The following SPATS2L variants were observed in gnomAD, a reference collection of about 807,000 sequenced individuals.
SPATS2L encodes spermatogenesis associated serine rich 2 like, also known as SPATS2-like protein.
A neutral mutation model predicts 59.6 loss-of-function variants in SPATS2L; 30 were observed. The observed-to-expected ratio is 0.50, with a 90% confidence interval of 0.38 to 0.68. The LOEUF (loss-of-function observed/expected upper bound fraction) is 0.68, where lower values mean the gene tolerates loss of function less well. Ranked by LOEUF, SPATS2L falls within the 30% of genes least tolerant of loss-of-function variation. The probability of loss-of-function intolerance (pLI) is 0.00; values close to 1 mark genes in which losing one functional copy is unlikely to be tolerated. For synonymous variants in SPATS2L, 252 were observed against 263.5 expected, an observed-to-expected ratio of 0.96 and a Z score of 0.42; for missense variants, 615 against 700.0, an observed-to-expected ratio of 0.88 and a Z score of 1.37.
At chr2:200,380,751 G>A (rs1329511201) in intron 2 of SPATS2L, among the ~76,000 whole-genome samples, 1 of 152,178 alleles carries the variant, frequency 6.6e-6, no homozygotes, top group African/African-American at 2.4e-5. Flanking sequence ...CAGTGAAGTT[G>A]TTCTAACAGT....
At chr2:200,455,337 C>A (rs2085759517) in intron 8 of SPATS2L, among the ~76,000 whole-genome samples, 2 of 152,144 alleles carry the variant, frequency 1.3e-5, no homozygotes, top group South Asian at 4.1e-4. Context: ...GGACTCAGAG[C>A]TGATTAGATG....
intron 4 of SPATS2L, among the ~76,000 whole-genome samples, chr2:200,416,163 A>G (rs139410028): frequency 2.6e-5 from 4 of 152,222 alleles, no homozygotes; most frequent in African/African-American, 9.6e-5. Flanking sequence ...GTGAGGCTTA[A>G]TATTTTGATA....
intron 2 of SPATS2L, among the ~76,000 whole-genome samples, chr2:200,344,078 T>TA (rs928101631): frequency 4.0e-4 from 61 of 151,046 alleles, no homozygotes; most frequent in Admixed American, 1.7e-3. Context: ...TAAAATTTAT[T>TA]AAAAAAAAAT....
upstream of SPATS2L, chr2:200,306,578 C>T (rs530750601): frequency 3.8e-5 from 38 of 1,000,632 alleles, no homozygotes; most frequent in African/African-American, 5.6e-4. Context: ...GAGCGAGGGG[C>T]GCCGGCTGGG....
At chr2:200,399,808 C>T (rs1267302380) in intron 3 of SPATS2L, among the ~76,000 whole-genome samples, 1 of 152,152 alleles carries the variant, frequency 6.6e-6, no homozygotes, top group Non-Finnish European at 1.5e-5. Flanking sequence ...AAGAAATATC[C>T]AAGGTTAATA....
At chr2:200,352,759 G>A (rs981005680) in intron 2 of SPATS2L, among the ~76,000 whole-genome samples, 1 of 152,144 alleles carries the variant, frequency 6.6e-6, no homozygotes, top group Non-Finnish European at 1.5e-5. Flanking sequence ...CTCATGGGCT[G>A]GTGAACAGCG....
chr2:200,346,883 A>G (rs1378084525), intron 2 of SPATS2L, among the ~76,000 whole-genome samples: 1 of 151,952 alleles, frequency 6.6e-6, no homozygotes, highest in East Asian at 1.9e-4. Flanking sequence ...TTTTAACAAC[A>G]CTTTTTCAGT....
At chr2:200,443,611 TA>T (rs2084841496) in intron 8 of SPATS2L, among the ~76,000 whole-genome samples, 1 of 152,198 alleles carries the variant, frequency 6.6e-6, no homozygotes, top group Non-Finnish European at 1.5e-5. Flanking sequence ...CCAGTTATCC[TA>T]ACCACAAAGT....
intron 8 of SPATS2L, among the ~76,000 whole-genome samples, chr2:200,455,791 C>T (rs551250082): frequency 6.6e-6 from 1 of 152,304 alleles, no homozygotes; most frequent in South Asian, 2.1e-4. Flanking sequence ...TGTCAAGCCA[C>T]ACTTGACCAC....
intron 2 of SPATS2L, among the ~76,000 whole-genome samples, chr2:200,366,190 G>C (rs779229973): frequency 9.2e-5 from 14 of 152,166 alleles, no homozygotes; most frequent in Non-Finnish European, 8.8e-5. Context: ...ATCTTGCAAA[G>C]TACAAGTTAG....
intron 2 of SPATS2L, among the ~76,000 whole-genome samples, chr2:200,354,606 T>G (rs2080851346): frequency 7.3e-6 from 1 of 137,492 alleles, no homozygotes; most frequent in African/African-American, 3.3e-5. Context: ...AGACTCCGTC[T>G]CAAAAAAAAA....
At chr2:200,372,448 G>C (rs2081457745) in intron 2 of SPATS2L, among the ~76,000 whole-genome samples, 1 of 152,070 alleles carries the variant, frequency 6.6e-6, no homozygotes, top group Non-Finnish European at 1.5e-5. Context: ...ATGTGGCCCA[G>C]GAAAGGGTAT....
intron 3 of SPATS2L, chr2:200,390,864 A>C (rs2082150762): frequency 6.6e-6 from 1 of 152,012 alleles, no homozygotes; most frequent in Admixed American, 6.6e-5. Context: ...CAAAAAAAAA[A>C]AAAAGGCCAG....
At chr2:200,411,011 A>C (rs890419808) in intron 3 of SPATS2L, among the ~76,000 whole-genome samples, 11 of 147,430 alleles carry the variant, frequency 7.5e-5, no homozygotes, top group African/African-American at 2.8e-4. Context: ...ACTCACACAC[A>C]TACATATATA....
intron 3 of SPATS2L, among the ~76,000 whole-genome samples, chr2:200,411,735 T>A (rs2082884859): frequency 6.6e-6 from 1 of 152,246 alleles, no homozygotes; most frequent in Non-Finnish European, 1.5e-5. Context: ...AATGTTTGAT[T>A]TTCAGAAGTG....
At chr2:200,376,430 CT>C (rs1164076897) in intron 2 of SPATS2L, among the ~76,000 whole-genome samples, 2 of 152,116 alleles carry the variant, frequency 1.3e-5, no homozygotes, top group Non-Finnish European at 2.9e-5. Context: ...CATATGAATT[CT>C]TTCTTTTATT....
chr2:200,429,192 G>T (rs573842570), intron 6 of SPATS2L, among the ~76,000 whole-genome samples: 1 of 152,228 alleles, frequency 6.6e-6, no homozygotes, highest in African/African-American at 2.4e-5. Context: ...TATCAGTCAA[G>T]ATCAAGTCAG....
intron 9 of SPATS2L, among the ~76,000 whole-genome samples, chr2:200,466,856 T>C (rs549378909): frequency 5.3e-5 from 8 of 152,270 alleles, no homozygotes; most frequent in Admixed American, 1.3e-4. Flanking sequence ...TCAAGAGGGC[T>C]GCTGCTGTTA....
chr2:200,311,162 C>G (rs1161043488), intron 1 of SPATS2L, among the ~76,000 whole-genome samples: 2 of 152,190 alleles, frequency 1.3e-5, no homozygotes, highest in Admixed American at 6.5e-5. Flanking sequence ...GTCCTCAGAG[C>G]CTAACTCATA....
Sources: allele counts gnomAD v4.1 joint callset (sites outside exome capture counted in the v4.1 genomes callset), GRCh38; gene constraint gnomAD v4.1.1; transcripts MANE v1.5; gene names NCBI Gene and HGNC (gene_info 2026-07-23, HGNC 2026-07-21).